ZFHX3: variants seen among roughly 807,000 people sequenced by gnomAD.
ZFHX3 encodes zinc finger homeobox 3, also known as zinc finger homeobox protein 3.
A neutral mutation model predicts 279.1 loss-of-function variants in ZFHX3; 42 were observed. That is an observed-to-expected ratio of 0.15 (90% CI 0.12 to 0.19). The LOEUF is 0.19. Among genes scored for constraint, ZFHX3 ranks in the 10% least tolerant of loss-of-function variants. The probability of loss-of-function intolerance (pLI) is 1.00; values close to 1 mark genes in which losing one functional copy is unlikely to be tolerated. For missense variants in ZFHX3, 4,981 were observed against 4,754.0 expected (o/e 1.05, Z -1.40); for synonymous variants, 2,293 against 1,957.8 (o/e 1.17, Z -4.52).
At chr16:73,446,002 A>G (rs928010620) in intron 3 of ZFHX3, among the ~76,000 whole-genome samples, 7 of 152,152 alleles carry the variant, frequency 4.6e-5, no homozygotes, top group African/African-American at 1.7e-4. Context: ...TGCTTCTCTC[A>G]GTTCCTGGGA....
intron 3 of ZFHX3, among the ~76,000 whole-genome samples, chr16:73,406,482 AAGTT>A: frequency 6.6e-6 from 1 of 152,240 alleles, no homozygotes; most frequent in Non-Finnish European, 1.5e-5. Context: ...GATACTTAGT[AAGTT>A]TCATCCTAAA....
chr16:73,478,576 C>T (rs934492016), intron 2 of ZFHX3, among the ~76,000 whole-genome samples: 9 of 152,160 alleles, frequency 5.9e-5, no homozygotes, highest in Non-Finnish European at 1.0e-4. Flanking sequence ...GTTTTGTTTT[C>T]ACTTAAGCAA....
chr16:72,850,253 G>C (rs1567547113), intron 4 of ZFHX3, among the ~76,000 whole-genome samples: 1 of 152,158 alleles, frequency 6.6e-6, no homozygotes, highest in Non-Finnish European at 1.5e-5. Flanking sequence ...ACACCCACCA[G>C]TGTCTACCTC....
At chr16:73,326,427 G>A (rs959276156) in intron 3 of ZFHX3, among the ~76,000 whole-genome samples, 2 of 152,170 alleles carry the variant, frequency 1.3e-5, no homozygotes, top group African/African-American at 2.4e-5. Context: ...TAAAACTGAA[G>A]TTGTAAAGGA....
chr16:72,970,054 AAGTGAAAACTGCT>A (rs1962033986), intron 1 of ZFHX3, among the ~76,000 whole-genome samples: 1 of 152,184 alleles, frequency 6.6e-6, no homozygotes. Context: ...ATCAGCCTAG[AAGTGAAAACTGCT>A]AGCTCAGCCC....
At chr16:73,266,945 C>T (rs548494877) in intron 4 of ZFHX3, among the ~76,000 whole-genome samples, 2 of 152,284 alleles carry the variant, frequency 1.3e-5, no homozygotes, top group African/African-American at 4.8e-5. Flanking sequence ...AGCATGAAAA[C>T]ATACCAATAC....
At chr16:73,064,698 C>G (rs1266724601), upstream of ZFHX3, among the ~76,000 whole-genome samples, 1 of 152,190 alleles carries the variant, frequency 6.6e-6, no homozygotes, top group African/African-American at 2.4e-5. Flanking sequence ...AATGATAAAG[C>G]CTGCCCTTCA....
chr16:72,806,547 T>C (rs1020813971), intron 7 of ZFHX3, among the ~76,000 whole-genome samples: 10 of 152,162 alleles, frequency 6.6e-5, no homozygotes, highest in Non-Finnish European at 1.3e-4. Context: ...ATTATTTTCA[T>C]TACCTTCCTC....
At chr16:73,199,252 A>G (rs1968219320) in intron 5 of ZFHX3, among the ~76,000 whole-genome samples, 2 of 152,250 alleles carry the variant, frequency 1.3e-5, no homozygotes, top group South Asian at 4.1e-4. Flanking sequence ...AACGGGGTAC[A>G]CTTAGGTATC....
At chr16:73,366,121 G>T (rs1398827705) in intron 3 of ZFHX3, among the ~76,000 whole-genome samples, 2 of 152,218 alleles carry the variant, frequency 1.3e-5, no homozygotes, top group African/African-American at 4.8e-5. Context: ...TGATCACTAG[G>T]ATACTTTAAA....
intron 3 of ZFHX3, among the ~76,000 whole-genome samples, chr16:72,949,810 A>G (rs530647038): frequency 6.6e-6 from 1 of 151,102 alleles, no homozygotes; most frequent in East Asian, 1.9e-4. Flanking sequence ...TTTTCCCCAC[A>G]GCATTTAGCA....
At chr16:73,433,882 A>T (rs2017951514) in intron 3 of ZFHX3, among the ~76,000 whole-genome samples, 1 of 152,172 alleles carries the variant, frequency 6.6e-6, no homozygotes, top group Non-Finnish European at 1.5e-5. Context: ...AAAGCCAGAG[A>T]GGACGAGGCT....
chr16:73,804,912 A>AGGGGGAG (rs142806232), intron 1 of ZFHX3, among the ~76,000 whole-genome samples: 1 of 75,626 alleles, frequency 1.3e-5, no homozygotes, highest in Non-Finnish European at 2.6e-5. Context: ...GGAGGGAGGG[A>AGGGGGAG]GGGGAGGGAG....
chr16:73,114,669 A>G (rs1966412024), intron 7 of ZFHX3, among the ~76,000 whole-genome samples: 1 of 152,104 alleles, frequency 6.6e-6, no homozygotes, highest in Admixed American at 6.5e-5. Context: ...ACACAGTGAG[A>G]CCCTGTCTCA....
Position 72,798,703 on chromosome 16 carries a change from C to G in ZFHX3, c.3979G>C (p.Asp1327His). The G allele has an allele frequency of 6.5e-7, 1 of 1,541,894 alleles. No individual in the cohort carries two copies. The highest frequency in any genetic ancestry group is 1.3e-5 in the South Asian group (1 of 79,882). The change falls in exon 9 of 10, where the codon GAT becomes CAT. Residue 1327 changes from aspartate (D) to histidine (H), a missense_variant. Physicochemically the swap from Asp to His is moderately conservative, Grantham distance 81. Transcript: ENST00000268489. ...GATGGCAAGATGTTCTTTCCCAGAT[C>G]CTCTGAGGTTTCTGTTAAAAAAAAA... ...EAGKQPETSE[D>H]LGKNILPSAS...
intron 2 of ZFHX3, among the ~76,000 whole-genome samples, chr16:73,639,713 CTCT>C (rs141570075): frequency 0.032 from 4,927 of 152,148 alleles, 233 homozygotes; most frequent in African/African-American, 0.11. Flanking sequence ...ATGTGTTTAT[CTCT>C]TCTTCTTCTC....
At chr16:73,392,156 A>G (rs1003335918) in intron 3 of ZFHX3, among the ~76,000 whole-genome samples, 17 of 152,116 alleles carry the variant, frequency 1.1e-4, no homozygotes, top group African/African-American at 3.6e-4. Context: ...GCAGTGGCTC[A>G]TGGCTGTAAT....
intron 3 of ZFHX3, among the ~76,000 whole-genome samples, chr16:72,943,873 C>G (rs1038241537): frequency 2.6e-5 from 4 of 152,068 alleles, no homozygotes; most frequent in African/African-American, 9.7e-5. Context: ...CAAGGTACAT[C>G]AAAAAGGAGC....
intron 4 of ZFHX3, among the ~76,000 whole-genome samples, chr16:72,852,563 C>CA (rs2037644432): frequency 6.6e-6 from 1 of 152,170 alleles, no homozygotes; most frequent in African/African-American, 2.4e-5. Context: ...GACAGCTGTG[C>CA]AACAATGGAT....
Sources: gnomAD v4.1 joint callset for allele counts (sites outside exome capture counted in the v4.1 genomes callset) on GRCh38, gnomAD v4.1.1 for gene constraint, MANE v1.5 for transcripts, NCBI Gene and HGNC (gene_info 2026-07-23, HGNC 2026-07-21) for gene names.